Variants in PARD3B observed in about 807,000 individuals in gnomAD.
PARD3B encodes par-3 family cell polarity regulator beta.
Under a neutral mutation model 130.2 loss-of-function variants are expected in PARD3B, and 103 were observed. That is an observed-to-expected ratio of 0.79 (90% CI 0.67 to 0.93). The LOEUF (loss-of-function observed/expected upper bound fraction) is 0.93. Ranked by LOEUF, PARD3B falls within the 40% of genes least tolerant of loss-of-function variation. The pLI is 0.00. For missense variants in PARD3B, 1,609 were observed against 1,499.2 expected, an observed-to-expected ratio of 1.07 and a Z score of -1.21; for synonymous variants, 583 against 553.2, an observed-to-expected ratio of 1.05 and a Z score of -0.76.
At chr2:204,595,707 A>G (rs2033257220) in intron 1 of PARD3B, among the ~76,000 whole-genome samples, 1 of 152,228 alleles carries the variant, frequency 6.6e-6, no homozygotes, top group Admixed American at 6.5e-5. Context: ...AGAAAAGTCA[A>G]GTATGATTTT....
At chr2:205,192,635 G>A (rs1240528902) in intron 14 of PARD3B, among the ~76,000 whole-genome samples, 1 of 152,142 alleles carries the variant, frequency 6.6e-6, no homozygotes, top group Non-Finnish European at 1.5e-5. Context: ...TGTCAACTGT[G>A]CTCTTCCTAT....
intron 21 of PARD3B, among the ~76,000 whole-genome samples, chr2:205,548,544 A>G (rs1559204085): frequency 6.6e-6 from 1 of 152,022 alleles, no homozygotes; most frequent in Non-Finnish European, 1.5e-5. Context: ...TTGAAATCCT[A>G]ATGACACTCT....
chr2:205,168,314 A>AGTGTGTGT (rs374509521), intron 11 of PARD3B, among the ~76,000 whole-genome samples: 16,265 of 137,146 alleles, frequency 0.12, 975 homozygotes, highest in Non-Finnish European at 0.15. Context: ...AGAGAGAGAG[A>AGTGTGTGT]GAGAGAGTGT....
chr2:204,964,160 C>G (rs1691001051), intron 2 of PARD3B, among the ~76,000 whole-genome samples: 1 of 152,162 alleles, frequency 6.6e-6, no homozygotes, highest in Non-Finnish European at 1.5e-5. Flanking sequence ...CTGGTTTTCA[C>G]ATTTACACAC....
intron 1 of PARD3B, among the ~76,000 whole-genome samples, chr2:204,578,899 T>C (rs1331905577): frequency 2.0e-5 from 3 of 151,892 alleles, no homozygotes; most frequent in Non-Finnish European, 4.4e-5. Context: ...GGCAGGAAAA[T>C]ATCACAGTCA....
intron 15 of PARD3B, among the ~76,000 whole-genome samples, chr2:205,231,683 A>G (rs2125895059): frequency 6.6e-6 from 1 of 152,270 alleles, no homozygotes; most frequent in South Asian, 2.1e-4. Context: ...ATACCATACT[A>G]TGAAGCTTGA....
At chr2:204,761,371 A>G (rs1279745837) in intron 2 of PARD3B, among the ~76,000 whole-genome samples, 3 of 152,300 alleles carry the variant, frequency 2.0e-5, no homozygotes, top group East Asian at 3.9e-4. Flanking sequence ...CCTTGCTGAA[A>G]GAGTAGTCAC....
chr2:205,567,544 G>A (rs181945518), intron 22 of PARD3B, among the ~76,000 whole-genome samples: 2 of 145,634 alleles, frequency 1.4e-5, no homozygotes, highest in African/African-American at 5.1e-5. Flanking sequence ...GGATGGTCTC[G>A]ATCTCCTGAC....
At chr2:205,339,441 A>G (rs979295407) in intron 18 of PARD3B, among the ~76,000 whole-genome samples, 1 of 152,212 alleles carries the variant, frequency 6.6e-6, no homozygotes, top group Non-Finnish European at 1.5e-5. Flanking sequence ...CTATGCTACT[A>G]AAAGTGTGGT....
chr2:205,248,418 G>GGTGGT (rs2039667917), intron 16 of PARD3B, among the ~76,000 whole-genome samples: 1 of 150,668 alleles, frequency 6.6e-6, no homozygotes, highest in African/African-American at 2.5e-5. Context: ...TGGTGGTGGC[G>GGTGGT]GCAGCAGCAG....
At position 204,545,804 on chromosome 2, in the gene PARD3B, TC is replaced by T. The variant is rs1287554450; in HGVS notation, c.-192del. 15 of 535,598 alleles carry T rather than the reference TC, an allele frequency of 2.8e-5. No homozygotes were observed. The highest frequency in any genetic ancestry group is 2.2e-4 in the Admixed American group (5 of 22,496). The allele number at this position is 535,598 out of a possible 1,614,324, so 33.2% of individuals were successfully genotyped here. A position where few individuals can be genotyped will look rare whatever the true frequency, so the allele number is the denominator to read the frequency against. Reference sequence around the variant, plus strand: ...GGTAACCCCTTTCCGCGGCCGCCCCTCCCCGATTCCCGCCACCTGCCGCCTG... The same window carrying T: ...GGTAACCCCTTTCCGCGGCCGCCCCTCCCGATTCCCGCCACCTGCCGCCTG... On this transcript the variant is annotated 5_prime_UTR_variant, in exon 1 of 23. Transcript: ENST00000406610.
intron 2 of PARD3B, among the ~76,000 whole-genome samples, chr2:204,857,602 T>TA (rs1398237961): frequency 6.6e-6 from 1 of 152,184 alleles, no homozygotes; most frequent in African/African-American, 2.4e-5. Flanking sequence ...TAATTATAGA[T>TA]AAATATTTTT....
At chr2:205,451,688 GTA>G (rs35082767) in intron 20 of PARD3B, among the ~76,000 whole-genome samples, 6,301 of 143,468 alleles carry the variant, frequency 0.044, 271 homozygotes, top group African/African-American at 0.11. Context: ...TATGTAATAG[GTA>G]TATATATATA....
intron 3 of PARD3B, among the ~76,000 whole-genome samples, chr2:204,998,914 G>T (rs554819556): frequency 3.0e-4 from 45 of 152,198 alleles, no homozygotes; most frequent in Non-Finnish European, 5.4e-4. Flanking sequence ...AGGTTTCAGT[G>T]TGCTGGACAG....
At chr2:204,793,655 C>T (rs888823945) in intron 2 of PARD3B, among the ~76,000 whole-genome samples, 1 of 151,882 alleles carries the variant, frequency 6.6e-6, no homozygotes, top group Non-Finnish European at 1.5e-5. Flanking sequence ...TTACAGGTGC[C>T]CACCACCAAG....
chr2:204,784,908 C>A (rs977884192), intron 2 of PARD3B, among the ~76,000 whole-genome samples: 12 of 152,136 alleles, frequency 7.9e-5, no homozygotes, highest in Admixed American at 5.2e-4. Flanking sequence ...TCTACTTTGA[C>A]AAAAGCCGTG....
rs139990764 is a variant in PARD3B at position 205,006,184 on chromosome 2, A to T, written c.394+40861A>T. On this transcript the variant is annotated intron_variant, in intron 3 of 22. Transcript: ENST00000406610. ...CTGAGTAGTATTCCACGGTGTATAT[A>T]TACCACATTGTTTTTATCCACTCAT... is the stretch of plus-strand genomic sequence containing the variant. Among the ~76,000 whole-genome samples, 792 of 152,268 alleles carry T rather than the reference A, an allele frequency of 5.2e-3. 3 individuals carry two copies. Among genetic ancestry groups the T allele is most frequent in the Non-Finnish European group, 8.7e-3 (594 of 68,020 alleles).
At chr2:205,285,513 T>C (rs1409062035) in intron 16 of PARD3B, among the ~76,000 whole-genome samples, 1 of 152,162 alleles carries the variant, frequency 6.6e-6, no homozygotes, top group Non-Finnish European at 1.5e-5. Flanking sequence ...TAAACCTGTT[T>C]ATCTGGCCAC....
chr2:205,343,404 A>G (rs886284880), intron 18 of PARD3B, among the ~76,000 whole-genome samples: 4 of 152,180 alleles, frequency 2.6e-5, no homozygotes, highest in Non-Finnish European at 5.9e-5. Context: ...TCTTGACTTC[A>G]TGGTCCTGAT....
Sources: gnomAD v4.1 joint callset for allele counts (sites outside exome capture counted in the v4.1 genomes callset) on GRCh38, gnomAD v4.1.1 for gene constraint, MANE v1.5 for transcripts, NCBI Gene and HGNC (gene_info 2026-07-23, HGNC 2026-07-21) for gene names.